Variants in TAS2R1 observed in about 807,000 individuals in gnomAD.
The protein encoded by TAS2R1 is taste 2 receptor member 1.
For missense variants in TAS2R1, 370 were observed against 353.4 expected, an observed-to-expected ratio of 1.05 and a Z score of -0.38; for synonymous variants, 141 against 134.2, an observed-to-expected ratio of 1.05 and a Z score of -0.35.
At chr5:9,823,520 G>A in the TAS2R1 span, among the ~76,000 whole-genome samples, 1 of 145,864 alleles carries the variant, frequency 6.9e-6, no homozygotes, top group Non-Finnish European at 1.5e-5. Context: ...AGGGAGGGAA[G>A]GGAAGGGAAG....
chr5:9,869,493 T>A, the TAS2R1 span, among the ~76,000 whole-genome samples: 2 of 152,124 alleles, frequency 1.3e-5, no homozygotes, highest in South Asian at 4.1e-4. Context: ...TCCCACCAGG[T>A]CATTCCCACG....
upstream of TAS2R1, chr5:9,714,140 TC>T (rs1470729282): frequency 6.6e-6 from 1 of 152,134 alleles, no homozygotes; most frequent in Non-Finnish European, 1.5e-5. Context: ...GAAATCAACA[TC>T]CACTGAGACA....
At chr5:9,829,984 C>G in the TAS2R1 span, among the ~76,000 whole-genome samples, 1 of 152,144 alleles carries the variant, frequency 6.6e-6, no homozygotes, top group South Asian at 2.1e-4. Flanking sequence ...ATCTTTGTGA[C>G]CTTATCTTTG....
upstream of TAS2R1, among the ~76,000 whole-genome samples, chr5:9,631,406 C>G (rs74725412): frequency 1.4e-4 from 22 of 152,190 alleles, no homozygotes; most frequent in East Asian, 4.1e-3. Flanking sequence ...TGCCTGACTG[C>G]TTTTTAAAAA....
the TAS2R1 span, among the ~76,000 whole-genome samples, chr5:9,871,864 C>T: frequency 6.6e-6 from 1 of 152,142 alleles, no homozygotes; most frequent in Admixed American, 6.5e-5. Context: ...GACAATTCAA[C>T]CCAAGTGTCA....
chr5:9,804,990 CCATTAA>C, the TAS2R1 span, among the ~76,000 whole-genome samples: 1 of 151,306 alleles, frequency 6.6e-6, no homozygotes. Flanking sequence ...AATTGATAGG[CCATTAA>C]CATGATAAAC....
At chr5:9,874,995 G>A in the TAS2R1 span, among the ~76,000 whole-genome samples, 1 of 152,146 alleles carries the variant, frequency 6.6e-6, no homozygotes, top group Non-Finnish European at 1.5e-5. Context: ...CTTCTTGTGT[G>A]CTTAGGGAGC....
chr5:9,843,852 T>C, the TAS2R1 span, among the ~76,000 whole-genome samples: 9 of 152,328 alleles, frequency 5.9e-5, no homozygotes, highest in South Asian at 1.9e-3. Flanking sequence ...GGCTTCACTG[T>C]GGAAGAATCC....
chr5:9,865,915 A>G, the TAS2R1 span, among the ~76,000 whole-genome samples: 1 of 152,242 alleles, frequency 6.6e-6, no homozygotes, highest in Non-Finnish European at 1.5e-5. Context: ...CTCATAGGCC[A>G]TGATTTTGAG....
At chr5:9,836,705 T>C in the TAS2R1 span, among the ~76,000 whole-genome samples, 1 of 152,206 alleles carries the variant, frequency 6.6e-6, no homozygotes, top group Non-Finnish European at 1.5e-5. Flanking sequence ...TGGTTAGTGA[T>C]AACCGTTCCA....
chr5:9,897,295 A>G, the TAS2R1 span, among the ~76,000 whole-genome samples: 12 of 152,220 alleles, frequency 7.9e-5, no homozygotes, highest in African/African-American at 2.6e-4. Context: ...CTAAAAATAC[A>G]AAAATTAGCT....
At chr5:9,769,591 G>T in the TAS2R1 span, among the ~76,000 whole-genome samples, 3 of 151,968 alleles carry the variant, frequency 2.0e-5, no homozygotes, top group Non-Finnish European at 4.4e-5. Context: ...CCTGTCTTTT[G>T]GATATAAGCC....
At chr5:9,778,545 T>C in the TAS2R1 span, among the ~76,000 whole-genome samples, 405 of 152,372 alleles carry the variant, frequency 2.7e-3, 1 homozygote, top group African/African-American at 9.3e-3. Context: ...TTTGTCTACA[T>C]TGACAATCGA....
the TAS2R1 span, among the ~76,000 whole-genome samples, chr5:9,802,352 G>A: frequency 3.3e-5 from 5 of 152,116 alleles, no homozygotes; most frequent in African/African-American, 9.7e-5. Context: ...CAGCTCCCAG[G>A]AAGTCCCAAC....
chr5:9,824,773 G>C, the TAS2R1 span, among the ~76,000 whole-genome samples: 2 of 150,944 alleles, frequency 1.3e-5, no homozygotes. Context: ...CTTGAACCTG[G>C]GCAGCGGAGG....
At chr5:9,764,140 G>C in the TAS2R1 span, among the ~76,000 whole-genome samples, 1 of 152,170 alleles carries the variant, frequency 6.6e-6, no homozygotes, top group Non-Finnish European at 1.5e-5. Flanking sequence ...GAAATTTATA[G>C]GAGACAAACT....
the TAS2R1 span, among the ~76,000 whole-genome samples, chr5:9,810,543 T>C: frequency 6.6e-6 from 1 of 151,726 alleles, no homozygotes; most frequent in Non-Finnish European, 1.5e-5. Flanking sequence ...CCATGAGGAG[T>C]AAGAAGACAG....
the TAS2R1 span, among the ~76,000 whole-genome samples, chr5:9,753,464 T>C: frequency 6.6e-6 from 1 of 152,136 alleles, no homozygotes; most frequent in South Asian, 2.1e-4. Context: ...GTCAGATGAG[T>C]AGATTGCAAA....
At chr5:9,803,558 A>G in the TAS2R1 span, among the ~76,000 whole-genome samples, 2 of 152,224 alleles carry the variant, frequency 1.3e-5, no homozygotes, top group African/African-American at 4.8e-5. Flanking sequence ...CAGAAACCCT[A>G]CAAGTTAGAA....
Sources: allele counts gnomAD v4.1 joint callset (sites outside exome capture counted in the v4.1 genomes callset), GRCh38; gene constraint gnomAD v4.1.1; transcripts MANE v1.5; gene names NCBI Gene and HGNC (gene_info 2026-07-23, HGNC 2026-07-21).